EVC2: variants seen among roughly 807,000 people sequenced by gnomAD.
EVC2 encodes the protein EvC ciliary complex subunit 2.
In EVC2, 148 loss-of-function variants were observed where a neutral mutation model predicts 149.3. The ratio of observed to expected loss-of-function variants is 0.99; its 90% CI spans 0.87 to 1.14. The LOEUF is 1.14. Among genes scored for constraint, EVC2 ranks in the 50% most tolerant of loss-of-function variants. The pLI is 0.00. For synonymous variants in EVC2, 776 were observed against 649.9 expected, an observed-to-expected ratio of 1.19 and a Z score of -2.95; for missense variants, 1,854 against 1,627.3, an observed-to-expected ratio of 1.14 and a Z score of -2.40.
In EVC2 at chr4:5,653,988, C is replaced by G. The variant is rs569765076; in HGVS notation, c.1145+9119G>C. Among the ~76,000 whole-genome samples, 3 of 152,166 alleles carry G rather than the reference C, an allele frequency of 2.0e-5. No homozygotes were observed. In the East Asian group the frequency reaches 5.8e-4, roughly 29 times the overall value. On this transcript the variant is annotated intron_variant, in intron 9 of 21. Transcript: ENST00000344408. ...CAGCACTTTGGGAGGCCGAGGCAGG[C>G]GGATCACCTGAGGTAAGGAGTTCGA...
At chr4:5,557,977 A>G (rs1476188746), downstream of EVC2, among the ~76,000 whole-genome samples, 2 of 152,126 alleles carry the variant, frequency 1.3e-5, no homozygotes, top group Non-Finnish European at 2.9e-5. Context: ...GGAGATGTCA[A>G]TTCTTCCCAA....
chr4:5,601,222 A>G (rs1193707754), intron 16 of EVC2, among the ~76,000 whole-genome samples: 1 of 152,168 alleles, frequency 6.6e-6, no homozygotes, highest in African/African-American at 2.4e-5. Context: ...CAGACCACCA[A>G]AGATGACCAC....
intron 1 of EVC2, among the ~76,000 whole-genome samples, chr4:5,706,874 G>T (rs1722234760): frequency 1.3e-5 from 2 of 152,152 alleles, no homozygotes; most frequent in South Asian, 4.1e-4. Context: ...AAAGGCAGGG[G>T]TTGCCCTTGA....
chr4:5,544,285 ACCT>A (rs1044997055), intron 21 of EVC2, among the ~76,000 whole-genome samples: 4 of 152,138 alleles, frequency 2.6e-5, no homozygotes, highest in African/African-American at 4.8e-5. Context: ...TGTTTTCACA[ACCT>A]TTATCTGCAA....
At chr4:5,639,060 G>C (rs1717111684) in intron 10 of EVC2, among the ~76,000 whole-genome samples, 1 of 152,190 alleles carries the variant, frequency 6.6e-6, no homozygotes, top group African/African-American at 2.4e-5. Context: ...CAAGGGAGCA[G>C]GTGCAGGCAG....
chr4:5,540,242 C>T (rs775555550), downstream of EVC2, among the ~76,000 whole-genome samples: 6 of 152,188 alleles, frequency 3.9e-5, no homozygotes, highest in East Asian at 1.9e-4. Flanking sequence ...TGGACTGTAA[C>T]GTGGTGCAAA....
the EVC2 span, among the ~76,000 whole-genome samples, chr4:5,536,654 G>A: frequency 6.6e-6 from 1 of 151,878 alleles, no homozygotes; most frequent in African/African-American, 2.4e-5. Context: ...CATGGTGGCG[G>A]GCACCTGTAG....
In EVC2 at chr4:5,658,431, T is replaced by C. The variant is rs1577217389; in HGVS notation, c.1145+4676A>G. Among the ~76,000 whole-genome samples the C allele has an allele frequency of 2.6e-5, 4 of 152,294 alleles. No homozygotes were observed. The East Asian group carries it at 7.7e-4, about 29-fold the overall frequency. Reference sequence around the variant, plus strand: ...GTAGTTGTAAAAATATACCATATGGTTGGCACATAAAAAACTACTAAACAC... The same window carrying C: ...GTAGTTGTAAAAATATACCATATGGCTGGCACATAAAAAACTACTAAACAC... On this transcript the variant is annotated intron_variant, in intron 9 of 21. Transcript: ENST00000344408.
chr4:5,545,632 A>C (rs940440679), intron 21 of EVC2, among the ~76,000 whole-genome samples: 1 of 152,142 alleles, frequency 6.6e-6, no homozygotes, highest in Non-Finnish European at 1.5e-5. Context: ...CGAGTTACCT[A>C]CCCAAACCCT....
At chr4:5,559,957 C>T (rs968393791), downstream of EVC2, among the ~76,000 whole-genome samples, 11 of 151,996 alleles carry the variant, frequency 7.2e-5, no homozygotes, top group Non-Finnish European at 1.3e-4. The surrounding 1 kb of genome is among the most constrained non-coding windows in gnomAD (Gnocchi z 5.0). Context: ...CTGGGGGAGT[C>T]GTAAGCACAA....
chr4:5,550,686 T>C (rs536560993), intron 21 of EVC2, among the ~76,000 whole-genome samples: 1 of 152,298 alleles, frequency 6.6e-6, no homozygotes, highest in Admixed American at 6.5e-5. Context: ...CCAATGTTAA[T>C]CCCCAAGACA....
At chr4:5,661,130 GCCA>G (rs1718848968) in intron 9 of EVC2, among the ~76,000 whole-genome samples, 1 of 152,112 alleles carries the variant, frequency 6.6e-6, no homozygotes, top group Non-Finnish European at 1.5e-5. Flanking sequence ...TGGGCAGAAA[GCCA>G]CACATCTTTA....
In EVC2 at chr4:5,635,029, C is replaced by CTTTTTTTTTT. The variant is rs34769603; in HGVS notation, c.1471-3007_1471-2998dup. Among the ~76,000 whole-genome samples, 6 of 71,440 alleles carry CTTTTTTTTTT rather than the reference C, an allele frequency of 8.4e-5. 1 individual carries two copies. Among genetic ancestry groups the CTTTTTTTTTT allele is most frequent in the East Asian group, 5.1e-4 (1 of 1,962 alleles). The allele number at this position is 71,440 out of a possible 152,430, so 46.9% of individuals were successfully genotyped here. A position where few individuals can be genotyped will look rare whatever the true frequency, so the allele number is the denominator to read the frequency against. On this transcript the variant is annotated intron_variant, in intron 10 of 21. Transcript: ENST00000344408. ...ATTTTAAATACTGTCAACAAATGTG[C>CTTTTTTTTTT]TTTTTTTTTTTTTTTTTTTTTTTTT...
At position 5,686,578 on chromosome 4, in the gene EVC2, A is replaced by G. The variant is rs1018174635; in HGVS notation, c.707-1099T>C. Reference sequence around the variant, plus strand: ...GATTTTCTGCAACATACAGAAGAAGAAACTGAAACTGAGAGACAGTGACTG... The same window carrying G: ...GATTTTCTGCAACATACAGAAGAAGGAACTGAAACTGAGAGACAGTGACTG... On this transcript the variant is annotated intron_variant, in intron 5 of 21. Coordinates refer to ENST00000344408, the MANE Select transcript of EVC2 (RefSeq NM_147127.5). This position sits in a 1 kb window ranked among gnomAD's most constrained non-coding sequence, Gnocchi z 5.4. Among the ~76,000 whole-genome samples the G allele has an allele frequency of 2.6e-5, 4 of 152,118 alleles. No individual in the cohort carries two copies.
intron 21 of EVC2, among the ~76,000 whole-genome samples, chr4:5,550,834 G>A (rs1721722670): frequency 6.6e-6 from 1 of 152,216 alleles, no homozygotes; most frequent in Non-Finnish European, 1.5e-5. Flanking sequence ...TAGGGACTTG[G>A]TGCCCTGCAT....
At chr4:5,661,002 C>T (rs1415301396) in intron 9 of EVC2, among the ~76,000 whole-genome samples, 1 of 152,136 alleles carries the variant, frequency 6.6e-6, no homozygotes, top group African/African-American at 2.4e-5. Context: ...AAGGGGTGTG[C>T]ACATTTCTAA....
chr4:5,631,479 G>A (rs1716524832), intron 11 of EVC2, among the ~76,000 whole-genome samples: 1 of 152,156 alleles, frequency 6.6e-6, no homozygotes, highest in African/African-American at 2.4e-5. Context: ...ACCCTCGTGG[G>A]TGTGGGCATT....
At chr4:5,579,051 G>C (rs1711531319) in intron 17 of EVC2, among the ~76,000 whole-genome samples, 1 of 152,194 alleles carries the variant, frequency 6.6e-6, no homozygotes, top group African/African-American at 2.4e-5. Flanking sequence ...CTAAAATGCA[G>C]GATCTGAGAG....
intron 21 of EVC2, among the ~76,000 whole-genome samples, chr4:5,563,798 C>T (rs903182541): frequency 6.6e-6 from 1 of 152,090 alleles, no homozygotes; most frequent in Non-Finnish European, 1.5e-5. Context: ...TTTATGAGTA[C>T]ACCTATGAGC....
Sources: gnomAD v4.1 joint callset for allele counts (sites outside exome capture counted in the v4.1 genomes callset) on GRCh38, gnomAD v4.1.1 for gene constraint, Gnocchi (gnomAD v3.1) non-coding constraint, MANE v1.5 for transcripts, NCBI Gene and HGNC (gene_info 2026-07-23, HGNC 2026-07-21) for gene names.